Variants in JOSD2 observed in about 807,000 individuals in gnomAD.
The protein encoded by JOSD2 is Josephin domain containing 2.
In JOSD2, 20 loss-of-function variants were observed where a neutral mutation model predicts 19.3. The ratio of observed to expected loss-of-function variants is 1.04; its 90% CI spans 0.73 to 1.51. JOSD2 has a LOEUF of 1.51. Ranked by LOEUF, JOSD2 falls within the 40% of genes most tolerant of loss-of-function variation. The pLI is 0.00. For missense variants in JOSD2, 215 were observed against 250.4 expected (o/e 0.86, Z 0.95); for synonymous variants, 118 against 123.7 (o/e 0.95, Z 0.31).
rs1267412054 is a variant in JOSD2 at position 50,506,332 on chromosome 19, T to G, written c.467+46A>C. ...CAGCCTGGGCATTCCGTCTGGGGAG[T>G]GGGGTTTCAGGCCCCTGGTCTTGGA... On this transcript the variant is annotated intron_variant, in intron 4 of 4. Coordinates refer to ENST00000598418, the MANE Select transcript of JOSD2 (RefSeq NM_001270639.2). 8 of 1,605,986 alleles carry G rather than the reference T, an allele frequency of 5.0e-6. No homozygotes were observed. The African/African-American group carries it at 8.0e-5, about 16-fold the overall frequency.
intron 2 of JOSD2, among the ~76,000 whole-genome samples, chr19:50,508,719 G>GTA (rs1979542240): frequency 6.6e-6 from 1 of 151,640 alleles, no homozygotes; most frequent in Non-Finnish European, 1.5e-5. Context: ...GTGTGTGTGT[G>GTA]TGTGTGTGTG....
At chr19:50,506,303 C>T (rs200368844) in intron 4 of JOSD2, 31 bp from the exon 5 acceptor site, 52 of 1,610,912 alleles carry the variant, frequency 3.2e-5, no homozygotes, top group South Asian at 7.7e-5. Flanking sequence ...GACTGAGGCT[C>T]GGCCAGCCTG....
chr19:50,510,480 G>A (rs1054725366), intron 1 of JOSD2, 32 bp from the exon 2 acceptor site: 4 of 1,557,624 alleles, frequency 2.6e-6, no homozygotes, highest in South Asian at 1.2e-5. Flanking sequence ...AGGTCCTCAG[G>A]GGCCCGGGAT....
chr19:50,506,650 C>T, intron 3 of JOSD2, 78 bp from the exon 4 acceptor site: 1 of 1,360,562 alleles, frequency 7.3e-7, no homozygotes, highest in Non-Finnish European at 9.8e-7. Context: ...ATGTGGGGCC[C>T]AGGCTGGTGG....
At chr19:50,511,012 A>AC (rs1979806787) in intron 1 of JOSD2, 105 bp downstream of exon 1, 1 of 436,904 alleles carries the variant, frequency 2.3e-6, no homozygotes, top group Non-Finnish European at 4.6e-6. Context: ...TCCTCTTCCT[A>AC]TCACCCAGCA....
rs751374652 is a variant in JOSD2 at position 50,511,099 on chromosome 19, C to T, written c.-18+18G>A. On this transcript the variant is annotated intron_variant, in intron 1 of 4. Transcript: ENST00000598418. ...CCCCAGCCACGGCGCTCGCCCTTTG[C>T]CTGGCAACGCCCCTCACCCCGCCTG... The T allele has an allele frequency of 1.1e-3, 489 of 453,042 alleles. 6 individuals carry two copies. Among genetic ancestry groups the T allele is most frequent in the Middle Eastern group, 9.8e-4 (3 of 3,052 alleles). 28.1% of individuals were successfully genotyped at this position (453,042 alleles called of 1,614,324 possible). A position where few individuals can be genotyped will look rare whatever the true frequency, so the allele number is the denominator to read the frequency against.
intron 2 of JOSD2, 113 bp from the exon 3 acceptor site, chr19:50,507,812 A>C (rs1979475261): frequency 7.6e-7 from 1 of 1,315,214 alleles, no homozygotes. Context: ...CCCGCTTCAG[A>C]CCCCACAACT....
chr19:50,510,587 T>A (rs1979737691), intron 1 of JOSD2, 139 bp from the exon 2 acceptor site: 1 of 707,276 alleles, frequency 1.4e-6, no homozygotes, highest in South Asian at 1.9e-5. Context: ...CTGACCCCGC[T>A]CCCTGGCAGT....
chr19:50,507,591 C>T lies in JOSD2; in HGVS notation c.255G>A (p.Val85=), dbSNP rs1267785450. Residue 85 remains valine (V), a synonymous_variant, in exon 3 of 5, where the codon GTG becomes GTA. Coordinates refer to ENST00000598418, the MANE Select transcript of JOSD2 (RefSeq NM_001270639.2). ...AALQGLGLAA[V]WWDRRRPLSQ... ...GGGCCTACCTCCTCCTGTCCCACCA[C>T]ACGGCGGCCAGGCCCAGCCCCTGCA... 6.2e-7 allele frequency: 1 copy of T among 1,607,048 alleles called. No individual in the cohort carries two copies. Among genetic ancestry groups the T allele is most frequent in the South Asian group, 1.1e-5 (1 of 91,060 alleles).
intron 2 of JOSD2, among the ~76,000 whole-genome samples, chr19:50,508,524 T>A (rs1376846746): frequency 1.3e-5 from 2 of 151,426 alleles, no homozygotes; most frequent in South Asian, 2.1e-4. Context: ...CCCAGCCACA[T>A]CCCCGGTGCC....
intron 1 of JOSD2, 62 bp from the exon 2 acceptor site, chr19:50,510,510 G>A: frequency 6.8e-7 from 1 of 1,471,154 alleles, no homozygotes; most frequent in Non-Finnish European, 9.1e-7. Context: ...CAGCCTCCCA[G>A]CAGGCCTTTG....
rs1276920702 is a variant in JOSD2 at position 50,507,441 on chromosome 19, C to A, written c.272+133G>T. On this transcript the variant is annotated intron_variant, in intron 3 of 4. Transcript: ENST00000598418. The stretch of plus-strand genomic sequence containing the variant: ...ACCACCTGATCTCCCCCTTTCAACC[C>A]ATCAGTGCCAGGCTTCCCACATTCA... The A allele has an allele frequency of 4.0e-6, 5 of 1,258,150 alleles. No homozygotes were observed. The Admixed American group carries it at 6.8e-5, about 17-fold the overall frequency. 77.9% of individuals were successfully genotyped at this position (1,258,150 alleles called of 1,614,324 possible).
At chr19:50,508,292 G>T (rs938732672) in intron 2 of JOSD2, among the ~76,000 whole-genome samples, 1 of 152,188 alleles carries the variant, frequency 6.6e-6, no homozygotes, top group Non-Finnish European at 1.5e-5. Flanking sequence ...GCCCTGTCTG[G>T]GCTCCCCCAG....
chr19:50,510,818 T>C (rs1254977565), intron 1 of JOSD2, among the ~76,000 whole-genome samples: 1 of 150,096 alleles, frequency 6.7e-6, no homozygotes, highest in Non-Finnish European at 1.5e-5. Context: ...CCGCACTAGG[T>C]AACAAAGTCT....
At position 50,506,290 on chromosome 19, in the gene JOSD2, G is replaced by A. The variant is rs752903542; in HGVS notation, c.468-18C>T. ...GGAAGGCCCTGGGTGGGAGAAATGG[G>A]GAGACTGAGGCTCGGCCAGCCTGGG... On this transcript the variant is annotated intron_variant, in intron 4 of 4. Coordinates refer to ENST00000598418, the MANE Select transcript of JOSD2 (RefSeq NM_001270639.2). The A allele has an allele frequency of 3.7e-6, 6 of 1,611,840 alleles. No individual in the cohort carries two copies. In the East Asian group the frequency reaches 6.7e-5, roughly 18 times the overall value.
At chr19:50,510,265 G>A (rs556493192) in intron 2 of JOSD2, 21 bp downstream of exon 2, 3 of 1,613,106 alleles carry the variant, frequency 1.9e-6, no homozygotes, top group South Asian at 2.2e-5. Flanking sequence ...TGCTCCAGGG[G>A]CTGGGGTGGG....
In JOSD2 at chr19:50,511,171, C is replaced by T. The variant is rs1046377215; in HGVS notation, c.-72G>A. ...GGGGTTTCCGCATCCCCTTCCTGGG[C>T]GGCGGCTCTGGGCTCCGAGTGCGGG... is the stretch of plus-strand genomic sequence containing the variant. On this transcript the variant is annotated 5_prime_UTR_variant, in exon 1 of 5. Transcript: ENST00000598418. The T allele has an allele frequency of 1.3e-4, 59 of 446,664 alleles. No individual in the cohort carries two copies. The highest frequency in any genetic ancestry group is 1.1e-3 in the African/African-American group (56 of 49,112). The allele number at this position is 446,664 out of a possible 1,614,324, so 27.7% of individuals were successfully genotyped here. A position where few individuals can be genotyped will look rare whatever the true frequency, so the allele number is the denominator to read the frequency against.
At chr19:50,508,741 T>G (rs1267435193) in intron 2 of JOSD2, among the ~76,000 whole-genome samples, 2 of 121,048 alleles carry the variant, frequency 1.7e-5, no homozygotes, top group Non-Finnish European at 3.6e-5. Context: ...GTGTGTGTGT[T>G]TCCCTCACCA....
intron 4 of JOSD2, 52 bp from the exon 5 acceptor site, chr19:50,506,324 C>T: frequency 6.2e-7 from 1 of 1,608,432 alleles, no homozygotes; most frequent in Non-Finnish European, 8.5e-7. Context: ...GGCATTCCGT[C>T]TGGGGAGTGG....
Sources: allele counts gnomAD v4.1 joint callset (sites outside exome capture counted in the v4.1 genomes callset), GRCh38; gene constraint gnomAD v4.1.1; transcripts MANE v1.5; gene names NCBI Gene and HGNC (gene_info 2026-07-23, HGNC 2026-07-21).